Variants in SLC25A21 observed in about 807,000 individuals in gnomAD.
The protein encoded by SLC25A21 is solute carrier family 25 member 21.
SLC25A21 carries 47 observed loss-of-function variants against 43.8 expected under a neutral mutation model. That is an observed-to-expected ratio of 1.07 (90% CI 0.85 to 1.37). The LOEUF (loss-of-function observed/expected upper bound fraction) is 1.37. Ranked by LOEUF, SLC25A21 falls within the 40% of genes most tolerant of loss-of-function variation. The pLI, the probability that SLC25A21 is intolerant of heterozygous loss-of-function variation, is 0.00. For synonymous variants in SLC25A21, 131 were observed against 121.3 expected, an observed-to-expected ratio of 1.08 and a Z score of -0.52; for missense variants, 352 against 350.2, an observed-to-expected ratio of 1.00 and a Z score of -0.04.
At chr14:36,810,036 C>G (rs1888180279) in intron 3 of SLC25A21, among the ~76,000 whole-genome samples, 1 of 151,838 alleles carries the variant, frequency 6.6e-6, no homozygotes, top group Non-Finnish European at 1.5e-5. Flanking sequence ...TTCGTTTAAC[C>G]CAGGGCTATG....
chr14:36,927,763 C>T lies in SLC25A21; in HGVS notation c.71-52759G>A, dbSNP rs866357236. On this transcript the variant is annotated intron_variant, in intron 1 of 9. Transcript: ENST00000331299. ...CCTCACCTAATTCAAGCATGGAAAT[C>T]GCAACCAGCTGACTTAAATCCAATT... is the stretch of plus-strand genomic sequence containing the variant. Among the ~76,000 whole-genome samples the T allele has an allele frequency of 3.6e-4, 55 of 152,218 alleles. 1 individual carries two copies. Among genetic ancestry groups the T allele is most frequent in the Admixed American group, 2.7e-3 (41 of 15,290 alleles).
At position 36,678,306 on chromosome 14, in the gene SLC25A21, A is replaced by G. The variant is rs1388930892; in HGVS notation, c.*2352T>C. On this transcript the variant is annotated 3_prime_UTR_variant, in exon 10 of 10. Coordinates refer to ENST00000331299, the MANE Select transcript of SLC25A21 (RefSeq NM_030631.4). The stretch of plus-strand genomic sequence containing the variant: ...GTTAGAGTGACTGCTTTTTTCAGAC[A>G]GCAGATATCTTATAGAGAGCTTTGA... 4 of 559,504 alleles carry G rather than the reference A, an allele frequency of 7.1e-6. No homozygotes were observed. Among genetic ancestry groups the G allele is most frequent in the Non-Finnish European group, 1.3e-5 (4 of 316,048 alleles). The allele number at this position is 559,504 out of a possible 1,614,324, so 34.7% of individuals were successfully genotyped here. A position where few individuals can be genotyped will look rare whatever the true frequency, so the allele number is the denominator to read the frequency against.
At chr14:36,915,420 G>A (rs1355433399) in intron 1 of SLC25A21, among the ~76,000 whole-genome samples, 1 of 152,146 alleles carries the variant, frequency 6.6e-6, no homozygotes, top group African/African-American at 2.4e-5. Context: ...ATGCAGGGAT[G>A]CTAGAAACAA....
intron 1 of SLC25A21, among the ~76,000 whole-genome samples, chr14:36,997,926 C>T (rs1013877660): frequency 4.6e-5 from 7 of 151,960 alleles, no homozygotes; most frequent in African/African-American, 1.2e-4. Context: ...CTTAGGAGAA[C>T]GTGATATCAT....
rs113361565 is a variant in SLC25A21, at chr14:36,871,544, G to A, written c.119+3412C>T. 4.2e-3 allele frequency among the ~76,000 whole-genome samples: 634 copies of A among 152,284 alleles called. 5 individuals are homozygous for A. The highest frequency in any genetic ancestry group is 0.014 in the African/African-American group (588 of 41,572). On this transcript the variant is annotated intron_variant, in intron 2 of 9. Transcript: ENST00000331299. ...ATGTTACAGCCACATAACCTAGCCT[G>A]TCTTAATTGACACAAGGCTTGGAGT... is the stretch of plus-strand genomic sequence containing the variant.
At chr14:36,919,776 C>T (rs896971960) in intron 1 of SLC25A21, among the ~76,000 whole-genome samples, 1 of 151,944 alleles carries the variant, frequency 6.6e-6, no homozygotes, top group African/African-American at 2.4e-5. Flanking sequence ...CAAAGTTATA[C>T]ACTCACTTGA....
intron 2 of SLC25A21, among the ~76,000 whole-genome samples, chr14:36,847,919 G>T (rs1012550372): frequency 5.3e-5 from 8 of 152,276 alleles, no homozygotes; most frequent in Non-Finnish European, 7.4e-5. Flanking sequence ...CGGTATGAAG[G>T]CTGGGCTTGA....
At chr14:37,033,404 T>C (rs1942840811) in intron 1 of SLC25A21, among the ~76,000 whole-genome samples, 1 of 152,204 alleles carries the variant, frequency 6.6e-6, no homozygotes, top group African/African-American at 2.4e-5. Flanking sequence ...AAAATCTTCA[T>C]CATAACATAA....
chr14:37,019,378 C>A (rs778052881), intron 1 of SLC25A21, among the ~76,000 whole-genome samples: 5 of 151,770 alleles, frequency 3.3e-5, no homozygotes, highest in Non-Finnish European at 7.4e-5. Flanking sequence ...TTCAGAGAGG[C>A]CTTCATTGAC....
intron 1 of SLC25A21, among the ~76,000 whole-genome samples, chr14:36,892,556 T>C (rs1891100916): frequency 6.6e-6 from 1 of 152,150 alleles, no homozygotes; most frequent in African/African-American, 2.4e-5. Flanking sequence ...CTCACTTTTT[T>C]TTTTATTATA....
At chr14:37,034,081 A>G (rs1193140855) in intron 1 of SLC25A21, among the ~76,000 whole-genome samples, 1 of 151,988 alleles carries the variant, frequency 6.6e-6, no homozygotes, top group Non-Finnish European at 1.5e-5. Flanking sequence ...CAGTGGCGCA[A>G]TCTCGGCCCA....
At chr14:36,801,861 A>T (rs779018709) in intron 3 of SLC25A21, among the ~76,000 whole-genome samples, 1 of 152,194 alleles carries the variant, frequency 6.6e-6, no homozygotes, top group Admixed American at 6.5e-5. Flanking sequence ...ACAGTAGTGA[A>T]GACAGAACAC....
intron 1 of SLC25A21, among the ~76,000 whole-genome samples, chr14:36,944,612 A>G (rs1315206458): frequency 6.6e-6 from 1 of 152,192 alleles, no homozygotes; most frequent in East Asian, 1.9e-4. Context: ...AGCATAAACA[A>G]GTGACTACGA....
intron 3 of SLC25A21, among the ~76,000 whole-genome samples, chr14:36,762,137 G>A (rs1012607974): frequency 1.3e-5 from 2 of 152,210 alleles, no homozygotes; most frequent in African/African-American, 2.4e-5. Flanking sequence ...TCTTATGGAA[G>A]TGAGGTGCTA....
rs557187874 is a variant in SLC25A21 at position 36,759,882 on chromosome 14, C to T, written c.204-25309G>A. Among the ~76,000 whole-genome samples, 20 of 152,188 alleles carry T rather than the reference C, an allele frequency of 1.3e-4. 1 individual carries two copies. In the South Asian group the frequency reaches 3.9e-3, roughly 30 times the overall value. On this transcript the variant is annotated intron_variant, in intron 3 of 9. Transcript: ENST00000331299. The stretch of plus-strand genomic sequence containing the variant: ...ACTCAGGAGGCTGAGGCAGGAGAAT[C>T]GTTTGAACCCAGGAGGCGGAGATTG...
chr14:36,785,576 C>G (rs986085572), intron 3 of SLC25A21, among the ~76,000 whole-genome samples: 1 of 152,196 alleles, frequency 6.6e-6, no homozygotes, highest in Non-Finnish European at 1.5e-5. Flanking sequence ...TTAGCATGAT[C>G]ATTGTCATGT....
intron 3 of SLC25A21, among the ~76,000 whole-genome samples, chr14:36,780,095 A>G (rs1198184458): frequency 1.3e-5 from 2 of 151,880 alleles, no homozygotes; most frequent in Non-Finnish European, 2.9e-5. Flanking sequence ...TTAGGAATTT[A>G]TCCACTTTTT....
At position 37,147,820 on chromosome 14, in the gene SLC25A21, T is replaced by G. The variant is rs933907320; in HGVS notation, c.70+24461A>C. On this transcript the variant is annotated intron_variant, in intron 1 of 9. Transcript: ENST00000331299. ...CTTTTTCTCACACATGGTAACTATA[T>G]TTCCTTTTTCTTTTTTTTCTTTTCT... 2.1e-5 allele frequency among the ~76,000 whole-genome samples: 3 copies of G among 145,768 alleles called. No individual in the cohort carries two copies. In the Admixed American group the frequency reaches 2.2e-4, roughly 11 times the overall value.
At chr14:37,099,588 C>T (rs1962777537) in intron 1 of SLC25A21, among the ~76,000 whole-genome samples, 1 of 151,842 alleles carries the variant, frequency 6.6e-6, no homozygotes, top group African/African-American at 2.4e-5. Flanking sequence ...CCAGGATGTT[C>T]CCCCCGCCAC....
Sources: allele counts gnomAD v4.1 joint callset (sites outside exome capture counted in the v4.1 genomes callset), GRCh38; gene constraint gnomAD v4.1.1; transcripts MANE v1.5; gene names NCBI Gene and HGNC (gene_info 2026-07-23, HGNC 2026-07-21).